MEIS3: variants seen among roughly 807,000 people sequenced by gnomAD.
MEIS3 encodes Meis homeobox 3.
In MEIS3, 38 loss-of-function variants were observed where a neutral mutation model predicts 51.4. The observed-to-expected ratio is 0.74, with a 90% CI of 0.57 to 0.97. The LOEUF (loss-of-function observed/expected upper bound fraction) is 0.97. MEIS3 is among the 50% of genes least tolerant of loss of function. The probability of loss-of-function intolerance (pLI) is 0.00; values close to 1 mark genes in which losing one functional copy is unlikely to be tolerated. For synonymous variants in MEIS3, 198 were observed against 201.8 expected (o/e 0.98, Z 0.16); for missense variants, 456 against 502.6 (o/e 0.91, Z 0.89).
chr19:47,415,206 CAGAA>C (rs1490238502), intron 4 of MEIS3, 105 bp from the exon 5 acceptor site: 2 of 750,470 alleles, frequency 2.7e-6, no homozygotes, highest in African/African-American at 1.7e-5. Flanking sequence ...CACAGAGAAA[CAGAA>C]AGAGTGAGAC....
At chr19:47,416,545 G>T in intron 4 of MEIS3, 107 bp downstream of exon 4, 1 of 874,982 alleles carries the variant, frequency 1.1e-6, no homozygotes, top group South Asian at 1.8e-5. Flanking sequence ...TTGGGGACAT[G>T]GACCAGGTGG....
intron 6 of MEIS3, among the ~76,000 whole-genome samples, chr19:47,413,847 C>T (rs553720565): frequency 6.6e-6 from 1 of 151,826 alleles, no homozygotes; most frequent in East Asian, 1.9e-4. Context: ...CCTGCCTCAG[C>T]CTCCTGAGTA....
In MEIS3 at chr19:47,409,430, T is replaced by G; in HGVS notation, c.709+6A>C. On this transcript the variant is annotated splice_donor_region_variant and intron_variant, in intron 7 of 12. Coordinates refer to ENST00000558555, the MANE Select transcript of MEIS3 (RefSeq NM_001301059.2). ...ATGTTTCCCTTCCACCTCCCAAGAT[T>G]CTCACCTTGGTCACTGGAGTTGTCC... 6.2e-7 allele frequency: 1 copy of G among 1,608,640 alleles called. No homozygotes were observed. The highest frequency in any genetic ancestry group is 8.5e-7 in the Non-Finnish European group (1 of 1,175,084).
chr19:47,404,023 G>A lies in MEIS3; in HGVS notation c.*18-470C>T, dbSNP rs561618434. Among the ~76,000 whole-genome samples the A allele has an allele frequency of 1.6e-3, 236 of 152,096 alleles. 1 individual carries two copies. Among genetic ancestry groups the A allele is most frequent in the African/African-American group, 5.0e-3 (207 of 41,470 alleles). ...TCGAGACCAGCCTGGGGAACAAAGC[G>A]AGACCCGTCTCTACAAAAATAAAAA... On this transcript the variant is annotated intron_variant, in intron 12 of 12. Transcript: ENST00000558555.
chr19:47,417,684 CAG>C, intron 1 of MEIS3: 1 of 702,380 alleles, frequency 1.4e-6, no homozygotes, highest in Non-Finnish European at 2.6e-6. Flanking sequence ...GAGAGACAGA[CAG>C]AGAGGGAGAT....
At chr19:47,406,754 T>G (rs568790533) in intron 11 of MEIS3, 134 bp downstream of exon 11, 1 of 929,438 alleles carries the variant, frequency 1.1e-6, no homozygotes, top group East Asian at 2.7e-5. Context: ...GAAATCTGCC[T>G]TGGCATCACC....
At chr19:47,417,541 G>T in intron 1 of MEIS3, 191 bp from the exon 2 acceptor site, 1 of 732,290 alleles carries the variant, frequency 1.4e-6, no homozygotes. Flanking sequence ...CCTCGGTGGG[G>T]AGTGAGGACC....
In MEIS3 at chr19:47,409,504, T is replaced by G. The variant is rs1324637379; in HGVS notation, c.641A>C (p.His214Pro). 1 of 1,613,996 alleles carries G rather than the reference T, an allele frequency of 6.2e-7. No homozygotes were observed. Among genetic ancestry groups the G allele is most frequent in the Non-Finnish European group, 8.5e-7 (1 of 1,179,980 alleles). Residue 214 changes from histidine to proline, a missense_variant, in exon 7 of 13, where the codon CAT becomes CCT. Coordinates refer to ENST00000558555, the MANE Select transcript of MEIS3 (RefSeq NM_001301059.2). ...ACTGGATGGACCTGGGGTCCCCAAA[T>G]GTACAGACCCACTATCCTCATGGTC... ...IRDHEDSGSV[H>P]LGTPGPSSGG... is the part of the protein sequence containing the mutation.
upstream of MEIS3, among the ~76,000 whole-genome samples, chr19:47,420,917 C>T (rs1251946586): frequency 2.0e-4 from 21 of 103,230 alleles, no homozygotes; most frequent in African/African-American, 1.0e-3. Context: ...CTCTCACACA[C>T]ACACACACAC....
At chr19:47,418,727 GA>G (rs1485959725) in intron 1 of MEIS3, 2 of 201,494 alleles carry the variant, frequency 9.9e-6, no homozygotes, top group African/African-American at 5.0e-5. Context: ...GAGAGAGGGG[GA>G]TAGAGAGGCA....
At chr19:47,421,463 C>T (rs1162935121), upstream of MEIS3, among the ~76,000 whole-genome samples, 7 of 152,160 alleles carry the variant, frequency 4.6e-5, no homozygotes, top group Admixed American at 1.3e-4. Context: ...ACCGAATGAA[C>T]GAGGATCCAC....
At chr19:47,420,877 C>A (rs1234500197), upstream of MEIS3, among the ~76,000 whole-genome samples, 1 of 150,064 alleles carries the variant, frequency 6.7e-6, no homozygotes, top group Non-Finnish European at 1.5e-5. Flanking sequence ...GTCTGTCTGT[C>A]CGTCTCTGTC....
chr19:47,419,867 AC>A (rs1013637163), upstream of MEIS3, among the ~76,000 whole-genome samples: 2 of 150,988 alleles, frequency 1.3e-5, no homozygotes, highest in African/African-American at 4.9e-5. Flanking sequence ...CACACCACGG[AC>A]CCCCTCCCTG....
intron 1 of MEIS3, chr19:47,417,893 C>T: frequency 3.4e-6 from 2 of 588,886 alleles, no homozygotes; most frequent in Non-Finnish European, 3.0e-6. Flanking sequence ...CGTGCACACT[C>T]ATGTGTCAGT....
chr19:47,420,555 G>A (rs1456873999), upstream of MEIS3, among the ~76,000 whole-genome samples: 1 of 140,078 alleles, frequency 7.1e-6, no homozygotes. Flanking sequence ...GACGCGGGTG[G>A]GAGGAGAGAG....
At chr19:47,410,805 G>T (rs1028661294) in intron 6 of MEIS3, among the ~76,000 whole-genome samples, 19 of 152,202 alleles carry the variant, frequency 1.2e-4, no homozygotes, top group African/African-American at 4.6e-4. Flanking sequence ...TAATAGTCCT[G>T]ACAGTGTGTG....
Position 47,417,362 on chromosome 19 carries a change from T to G in MEIS3, c.13-12A>C, listed in dbSNP as rs1599828134. The G allele has an allele frequency of 6.2e-7, 1 of 1,612,338 alleles. No individual in the cohort carries two copies. The highest frequency in any genetic ancestry group is 1.7e-5 in the Admixed American group (1 of 59,826). ...GGCAGCTCATCATACTGGGGGAAGG[T>G]GAGAAGAGAAGGGCGGAGCCCCAGG... On this transcript the variant is annotated splice_polypyrimidine_tract_variant and intron_variant, in intron 1 of 12. Coordinates refer to ENST00000558555, the MANE Select transcript of MEIS3 (RefSeq NM_001301059.2).
At chr19:47,414,369 C>T (rs1282422933) in intron 6 of MEIS3, among the ~76,000 whole-genome samples, 1 of 152,070 alleles carries the variant, frequency 6.6e-6, no homozygotes, top group Non-Finnish European at 1.5e-5. Context: ...TGTCGTATGG[C>T]TGGGCTGGGG....
At chr19:47,417,445 A>T in intron 1 of MEIS3, 95 bp from the exon 2 acceptor site, 1 of 1,452,724 alleles carries the variant, frequency 6.9e-7, no homozygotes, top group Non-Finnish European at 9.5e-7. Context: ...AACCCAGGAG[A>T]TGCCCTTCTG....
Sources: allele counts gnomAD v4.1 joint callset (sites outside exome capture counted in the v4.1 genomes callset), GRCh38; gene constraint gnomAD v4.1.1; transcripts MANE v1.5; gene names NCBI Gene and HGNC (gene_info 2026-07-23, HGNC 2026-07-21).